The following PDZD2 variants were observed in gnomAD, a reference collection of about 807,000 sequenced individuals.
PDZD2 encodes the protein PDZ domain-containing protein 2.
PDZD2 carries 90 observed loss-of-function variants against 220.7 expected under a neutral mutation model. The observed-to-expected ratio is 0.41, with a 90% CI of 0.34 to 0.49. The LOEUF (loss-of-function observed/expected upper bound fraction) is 0.49, where lower values mean the gene tolerates loss of function less well. PDZD2 is among the 20% of genes least tolerant of loss of function. The pLI is 0.28. For synonymous variants in PDZD2, 1,375 were observed against 1,450.5 expected (o/e 0.95, Z 1.18); for missense variants, 3,174 against 3,608.5 (o/e 0.88, Z 3.08).
At chr5:31,869,314 A>G (rs1184343947) in intron 2 of PDZD2, among the ~76,000 whole-genome samples, 1 of 151,780 alleles carries the variant, frequency 6.6e-6, no homozygotes, top group African/African-American at 2.4e-5. Context: ...CTTCTTCCTG[A>G]CTCACTGTCC....
intron 2 of PDZD2, among the ~76,000 whole-genome samples, chr5:31,879,969 A>G (rs946106618): frequency 8.8e-4 from 128 of 145,896 alleles, no homozygotes; most frequent in African/African-American, 3.2e-3. Context: ...GTTGGAGTGC[A>G]ATGGCACGAT....
chr5:31,954,445 T>G (rs1376003583), intron 2 of PDZD2, among the ~76,000 whole-genome samples: 1 of 149,072 alleles, frequency 6.7e-6, no homozygotes, highest in Non-Finnish European at 1.5e-5. Context: ...AATTTGTTGT[T>G]GTGGTTGATA....
At chr5:32,057,396 G>A (rs928954005) in intron 10 of PDZD2, among the ~76,000 whole-genome samples, 16 of 152,102 alleles carry the variant, frequency 1.1e-4, no homozygotes, top group African/African-American at 3.4e-4. Flanking sequence ...ACTTGGCAAT[G>A]GCTAAAAAAA....
Position 32,090,969 on chromosome 5 carries a change from C to T in PDZD2, c.7521C>T (p.Ala2507=), listed in dbSNP as rs770994095. Residue 2507 remains alanine, a synonymous_variant, in exon 20 of 25, where the codon GCC becomes GCT. Coordinates refer to ENST00000438447, the MANE Select transcript of PDZD2 (RefSeq NM_178140.4). The surrounding 1 kb of genome is among the most constrained non-coding windows in gnomAD (Gnocchi z 4.3). The part of the protein sequence containing the change: ...CSEDYSAGPS[A]VLFKTELEIT... ...AGGATTACTCAGCAGGGCCGAGCGC[C>T]GTGCTCTTCAAAACTGAGCTGGAGA... 15 of 1,613,808 alleles carry T rather than the reference C, an allele frequency of 9.3e-6. No individual in the cohort carries two copies. Among genetic ancestry groups the T allele is most frequent in the South Asian group, 7.7e-5 (7 of 91,082 alleles).
chr5:31,944,388 C>T (rs1292000010), intron 2 of PDZD2, among the ~76,000 whole-genome samples: 3 of 152,160 alleles, frequency 2.0e-5, no homozygotes, highest in African/African-American at 7.2e-5. Flanking sequence ...TGCTGTAGGC[C>T]TGGAGTGGGG....
At chr5:32,040,610 C>T (rs6882640) in intron 7 of PDZD2, among the ~76,000 whole-genome samples, 2,814 of 139,818 alleles carry the variant, frequency 0.02, 92 homozygotes, top group African/African-American at 0.073. Flanking sequence ...AAATGGGGAG[C>T]GCCTCTGCCC....
chr5:31,747,249 C>T (rs747956172), intron 1 of PDZD2, among the ~76,000 whole-genome samples: 4 of 152,170 alleles, frequency 2.6e-5, no homozygotes, highest in East Asian at 1.9e-4. Context: ...AAATAGTAAA[C>T]GTGTAAGTTT....
At chr5:31,762,216 C>T (rs1051902139) in intron 1 of PDZD2, among the ~76,000 whole-genome samples, 1 of 152,228 alleles carries the variant, frequency 6.6e-6, no homozygotes, top group African/African-American at 2.4e-5. Context: ...ACCATATCAT[C>T]AGTTTACCTT....
intron 4 of PDZD2, among the ~76,000 whole-genome samples, chr5:31,997,555 TAGAC>T (rs980471712): frequency 1.3e-5 from 2 of 152,236 alleles, no homozygotes; most frequent in African/African-American, 2.4e-5. Context: ...TCCTGTCAGA[TAGAC>T]AGTTTCCCAT....
chr5:32,080,043 A>G (rs1019697414), intron 19 of PDZD2, among the ~76,000 whole-genome samples: 8 of 151,814 alleles, frequency 5.3e-5, no homozygotes, highest in Non-Finnish European at 8.8e-5. Flanking sequence ...TTTACTGCAA[A>G]GAGTGTTAAA....
chr5:31,923,596 T>G, intron 2 of PDZD2: 1 of 762,548 alleles, frequency 1.3e-6, no homozygotes, highest in Non-Finnish European at 2.4e-6. Flanking sequence ...ATGTGTGCTC[T>G]GGCTCGGATA....
At chr5:31,777,844 C>A (rs1316965468) in intron 1 of PDZD2, among the ~76,000 whole-genome samples, 2 of 143,076 alleles carry the variant, frequency 1.4e-5, no homozygotes, top group African/African-American at 2.5e-5. Flanking sequence ...ACTTGGAGAA[C>A]TTTTATGTCT....
rs1490551623 is a variant in PDZD2 at position 31,798,910 on chromosome 5, G to A, written c.-339G>A. The A allele has an allele frequency of 1.3e-5, 4 of 304,038 alleles. No homozygotes were observed. Among genetic ancestry groups the A allele is most frequent in the Admixed American group, 4.5e-5 (1 of 22,128 alleles). The allele number at this position is 304,038 out of a possible 1,614,324, so 18.8% of individuals were successfully genotyped here. On this transcript the variant is annotated 5_prime_UTR_variant, in exon 2 of 25. Transcript: ENST00000438447. ...CCAGGTGTGAATGAGCCCAGGGAAG[G>A]ACACACGGCCACTGCTGGAGGGATC...
chr5:32,106,808 C>G (rs960759379), intron 24 of PDZD2, among the ~76,000 whole-genome samples: 3 of 152,202 alleles, frequency 2.0e-5, no homozygotes, highest in African/African-American at 7.2e-5. Context: ...AAAAATGTAT[C>G]TATCTCAAGA....
chr5:31,728,762 C>T (rs1015805888), intron 1 of PDZD2, among the ~76,000 whole-genome samples: 1 of 152,218 alleles, frequency 6.6e-6, no homozygotes, highest in African/African-American at 2.4e-5. Context: ...GCGTCCTATT[C>T]ATAGCTATTT....
Position 32,098,273 on chromosome 5 carries a change from T to G in PDZD2, c.7948-91T>G, listed in dbSNP as rs1447414284. On this transcript the variant is annotated intron_variant, in intron 22 of 24. Coordinates refer to ENST00000438447, the MANE Select transcript of PDZD2 (RefSeq NM_178140.4). The surrounding 1 kb of genome is among the most constrained non-coding windows in gnomAD (Gnocchi z 4.1). ...TAAAAATAAAAAAGGAAGGTTCCTT[T>G]ACTACAGATACGCAGTTAGTTACTA... 1.6e-5 allele frequency: 20 copies of G among 1,262,718 alleles called. No individual in the cohort carries two copies. The highest frequency in any genetic ancestry group is 2.0e-5 in the Non-Finnish European group (18 of 898,554). The allele number at this position is 1,262,718 out of a possible 1,614,324, so 78.2% of individuals were successfully genotyped here.
At chr5:31,788,357 G>A (rs189640302) in intron 1 of PDZD2, among the ~76,000 whole-genome samples, 152 of 148,624 alleles carry the variant, frequency 1.0e-3, no homozygotes, top group African/African-American at 3.7e-3. Context: ...GGCAACAAGA[G>A]TAAAACTTCG....
chr5:32,085,096 A>C (rs1742316093), intron 19 of PDZD2, among the ~76,000 whole-genome samples: 1 of 151,668 alleles, frequency 6.6e-6, no homozygotes. Flanking sequence ...CTGGGATTAC[A>C]GGTGCATGCC....
intron 2 of PDZD2, chr5:31,843,263 TTTTC>T (rs909534893): frequency 2.0e-5 from 3 of 151,616 alleles, no homozygotes; most frequent in Non-Finnish European, 2.9e-5. Context: ...AACAACAACT[TTTTC>T]TTTCTTTTTT....
Sources: allele counts gnomAD v4.1 joint callset (sites outside exome capture counted in the v4.1 genomes callset), GRCh38; gene constraint gnomAD v4.1.1; non-coding constraint Gnocchi (gnomAD v3.1); transcripts MANE v1.5; gene names NCBI Gene and HGNC (gene_info 2026-07-23, HGNC 2026-07-21).